NKAIN3: variants seen among roughly 807,000 people sequenced by gnomAD.
The protein encoded by NKAIN3 is sodium/potassium-transporting ATPase subunit beta-1-interacting protein 3.
In NKAIN3, 25 loss-of-function variants were observed where a neutral mutation model predicts 30.2. That is an observed-to-expected ratio of 0.83 (90% CI 0.60 to 1.16). The LOEUF (loss-of-function observed/expected upper bound fraction) is 1.16. Ranked by LOEUF, NKAIN3 falls within the 50% of genes most tolerant of loss-of-function variation. The probability of loss-of-function intolerance (pLI) is 0.00; values close to 1 mark genes in which losing one functional copy is unlikely to be tolerated. For synonymous variants in NKAIN3, 91 were observed against 89.6 expected (o/e 1.02, Z -0.09); for missense variants, 225 against 254.1 (o/e 0.89, Z 0.78).
chr8:62,392,205 C>G (rs1817603552), intron 1 of NKAIN3, among the ~76,000 whole-genome samples: 1 of 151,952 alleles, frequency 6.6e-6, no homozygotes, highest in Admixed American at 6.6e-5. Context: ...TCATTTTACT[C>G]TGAGTAAGAG....
chr8:62,494,948 T>A (rs1038834030), intron 1 of NKAIN3, among the ~76,000 whole-genome samples: 1 of 152,134 alleles, frequency 6.6e-6, no homozygotes, highest in Non-Finnish European at 1.5e-5. Context: ...ATTAGCTTTT[T>A]CAAAAAAATG....
intron 1 of NKAIN3, among the ~76,000 whole-genome samples, chr8:62,326,156 G>A (rs998358442): frequency 1.3e-5 from 2 of 151,876 alleles, no homozygotes; most frequent in African/African-American, 4.8e-5. Flanking sequence ...AAGAAACACT[G>A]CAGGATGACA....
At chr8:62,309,864 C>T (rs1425504151) in intron 1 of NKAIN3, among the ~76,000 whole-genome samples, 2 of 150,360 alleles carry the variant, frequency 1.3e-5, no homozygotes, top group Non-Finnish European at 2.9e-5. Flanking sequence ...AATGTGTAAG[C>T]AACATACCCT....
At chr8:62,697,678 G>A (rs903123612) in intron 3 of NKAIN3, among the ~76,000 whole-genome samples, 5 of 152,008 alleles carry the variant, frequency 3.3e-5, no homozygotes, top group Non-Finnish European at 7.4e-5. Context: ...GTTGATGTTT[G>A]TTGATTAATT....
intron 1 of NKAIN3, among the ~76,000 whole-genome samples, chr8:62,394,475 T>C (rs1212796715): frequency 1.0e-5 from 1 of 97,834 alleles, no homozygotes; most frequent in Non-Finnish European, 2.2e-5. Flanking sequence ...TGACTGTAAT[T>C]GCTATTTTTT....
At chr8:62,998,145 T>C (rs1804163971) in intron 5 of NKAIN3, among the ~76,000 whole-genome samples, 1 of 152,232 alleles carries the variant, frequency 6.6e-6, no homozygotes, top group Non-Finnish European at 1.5e-5. Context: ...ATCTATTTTA[T>C]GAAAGAGGCC....
At chr8:62,841,634 C>T (rs1819534395) in intron 4 of NKAIN3, among the ~76,000 whole-genome samples, 1 of 152,138 alleles carries the variant, frequency 6.6e-6, no homozygotes, top group Admixed American at 6.6e-5. Context: ...ATTCATCCAT[C>T]TTGTCCCAAA....
intron 3 of NKAIN3, among the ~76,000 whole-genome samples, chr8:62,654,677 A>G (rs1812716950): frequency 6.6e-6 from 1 of 152,172 alleles, no homozygotes; most frequent in Admixed American, 6.6e-5. Flanking sequence ...ACCAAACCAT[A>G]CTATCAATCA....
chr8:62,412,324 A>AAAG (rs1328772414), intron 1 of NKAIN3, among the ~76,000 whole-genome samples: 4 of 151,958 alleles, frequency 2.6e-5, no homozygotes, highest in African/African-American at 9.7e-5. Context: ...AAACAAAAAA[A>AAAG]AACAGTGGGG....
chr8:62,494,116 A>C (rs181879961), intron 1 of NKAIN3, among the ~76,000 whole-genome samples: 10 of 152,236 alleles, frequency 6.6e-5, no homozygotes, highest in Admixed American at 6.5e-4. Flanking sequence ...TTCAAGGGAA[A>C]TGTTTCTAGC....
chr8:62,914,039 C>T (rs976479591), intron 4 of NKAIN3, among the ~76,000 whole-genome samples: 6 of 152,128 alleles, frequency 3.9e-5, no homozygotes, highest in Non-Finnish European at 8.8e-5. Context: ...AAGAGACATG[C>T]ACGCCTATGT....
At chr8:62,583,137 G>T (rs1039357458) in intron 2 of NKAIN3, among the ~76,000 whole-genome samples, 2 of 152,104 alleles carry the variant, frequency 1.3e-5, no homozygotes, top group Non-Finnish European at 2.9e-5. Flanking sequence ...TTCTTTGAGA[G>T]CATAGAATGT....
chr8:62,372,640 C>T (rs138666177), intron 1 of NKAIN3, among the ~76,000 whole-genome samples: 12 of 152,054 alleles, frequency 7.9e-5, no homozygotes, highest in Non-Finnish European at 1.2e-4. Flanking sequence ...AATTTATATA[C>T]TTGTCTATAT....
intron 4 of NKAIN3, among the ~76,000 whole-genome samples, chr8:62,910,621 T>C (rs2130848973): frequency 6.6e-6 from 1 of 152,300 alleles, no homozygotes; most frequent in East Asian, 1.9e-4. Context: ...TATATGAATA[T>C]GTATAACAAA....
At chr8:62,345,673 A>AT (rs1815980680) in intron 1 of NKAIN3, among the ~76,000 whole-genome samples, 1 of 149,742 alleles carries the variant, frequency 6.7e-6, no homozygotes, top group African/African-American at 2.5e-5. Flanking sequence ...GTATACCTGG[A>AT]ATATATATAC....
chr8:62,548,315 T>C (rs369060757), intron 1 of NKAIN3, among the ~76,000 whole-genome samples: 3 of 152,246 alleles, frequency 2.0e-5, no homozygotes, highest in East Asian at 3.8e-4. Flanking sequence ...ACAAGAGATA[T>C]AATACTTGGA....
chr8:62,699,098 T>C (rs565588337), intron 3 of NKAIN3, among the ~76,000 whole-genome samples: 1 of 152,284 alleles, frequency 6.6e-6, no homozygotes, highest in Non-Finnish European at 1.5e-5. Flanking sequence ...TTGTGACCTT[T>C]CTCGGGATAT....
At chr8:62,454,301 CAAAAAAAAA>C (rs201511724) in intron 1 of NKAIN3, among the ~76,000 whole-genome samples, 3 of 56,152 alleles carry the variant, frequency 5.3e-5, no homozygotes, top group African/African-American at 1.1e-4. Context: ...AGCTGATGTG[CAAAAAAAAA>C]AAAAAAAAAA....
chr8:62,408,284 T>G (rs1418614610), intron 1 of NKAIN3, among the ~76,000 whole-genome samples: 1 of 152,140 alleles, frequency 6.6e-6, no homozygotes, highest in Non-Finnish European at 1.5e-5. Context: ...AAATATATTT[T>G]TAAAGGCCGT....
Sources: allele counts gnomAD v4.1 joint callset (sites outside exome capture counted in the v4.1 genomes callset), GRCh38; gene constraint gnomAD v4.1.1; transcripts MANE v1.5; gene names NCBI Gene and HGNC (gene_info 2026-07-23, HGNC 2026-07-21).